PPFIA1: variants seen among roughly 807,000 people sequenced by gnomAD.
PPFIA1 encodes PPFI scaffold protein A1.
Under a neutral mutation model 149.9 loss-of-function variants are expected in PPFIA1, and 25 were observed. The ratio of observed to expected loss-of-function variants is 0.17; its 90% CI spans 0.12 to 0.23. The LOEUF (loss-of-function observed/expected upper bound fraction) is 0.23. Ranked by LOEUF, PPFIA1 falls within the 10% of genes least tolerant of loss-of-function variation. PPFIA1 has a pLI of 1.00. For synonymous variants in PPFIA1, 549 were observed against 552.8 expected, an observed-to-expected ratio of 0.99 and a Z score of 0.10; for missense variants, 1,362 against 1,506.5, an observed-to-expected ratio of 0.90 and a Z score of 1.59.
intron 2 of PPFIA1, chr11:70,279,295 C>G (rs187578848): frequency 4.2e-6 from 1 of 236,250 alleles, no homozygotes; most frequent in East Asian, 1.0e-4. Flanking sequence ...TACTGCCAGC[C>G]ATTTTCAATT....
intron 15 of PPFIA1, among the ~76,000 whole-genome samples, chr11:70,344,528 C>A (rs1296615320): frequency 1.3e-5 from 2 of 152,224 alleles, no homozygotes; most frequent in African/African-American, 4.8e-5. Context: ...CTGAAAGGAG[C>A]GCGTTGCTAT....
intron 2 of PPFIA1, 103 bp from the exon 3 acceptor site, chr11:70,324,299 C>T (rs927894179): frequency 5.3e-6 from 4 of 758,102 alleles, no homozygotes; most frequent in South Asian, 1.9e-5. Context: ...TTCCCCATAA[C>T]TTGTAATGAG....
chr11:70,376,022 CTT>C lies in PPFIA1; in HGVS notation c.3316-509_3316-508del, dbSNP rs574806006. Among the ~76,000 whole-genome samples, 288 of 151,614 alleles carry C rather than the reference CTT, an allele frequency of 1.9e-3. 2 individuals are homozygous for C. The highest frequency in any genetic ancestry group is 6.8e-3 in the African/African-American group (281 of 41,346). On this transcript the variant is annotated intron_variant, in intron 24 of 27. Coordinates refer to ENST00000253925, the MANE Select transcript of PPFIA1 (RefSeq NM_003626.5). ...GTTTGTTTTGAGATGGAGTTTCGCT[CTT>C]GTTGCCCAGGCTGGAGTGCAATGGT...
intron 2 of PPFIA1, among the ~76,000 whole-genome samples, chr11:70,286,413 T>A (rs906195469): frequency 2.0e-5 from 3 of 152,034 alleles, no homozygotes; most frequent in Admixed American, 2.0e-4. Flanking sequence ...CACCGCGCCC[T>A]GCTAATTTTT....
Position 70,376,579 on chromosome 11 carries a change from G to A in PPFIA1, c.3363G>A (p.Gly1121=), listed in dbSNP as rs746409569. The A allele has an allele frequency of 1.2e-6, 2 of 1,613,784 alleles. No individual in the cohort carries two copies. The highest frequency in any genetic ancestry group is 1.1e-5 in the South Asian group (1 of 91,080). The change falls in exon 25 of 28, where the codon GGG becomes GGA. Residue 1121 remains glycine, a synonymous_variant. Transcript: ENST00000253925. ...AATTTAACAACCTTTTGGTCATGGG[G>A]ACTGATAGAAGGTTTGATGAAGTAA... ...EREFNNLLVM[G]TDRRFDEDDD... is the part of the protein sequence containing the mutation.
chr11:70,286,754 C>CA (rs996722246), intron 2 of PPFIA1, among the ~76,000 whole-genome samples: 4 of 124,006 alleles, frequency 3.2e-5, no homozygotes, highest in African/African-American at 1.2e-4. Flanking sequence ...TTCTTTCTTT[C>CA]TTTTTTTTTT....
At position 70,333,132 on chromosome 11, in the gene PPFIA1, C is replaced by T. The variant is rs137956262; in HGVS notation, c.1213-338C>T. The T allele has an allele frequency of 1.5e-3, 726 of 480,140 alleles. 1 individual carries two copies. The highest frequency in any genetic ancestry group is 1.0e-2 in the African/African-American group (510 of 51,210). The allele number at this position is 480,140 out of a possible 1,614,324, so 29.7% of individuals were successfully genotyped here. Reference sequence around the variant, plus strand: ...TGCACTGCTCCTTGCTTGTGCTTGCCGCTGCTTTCTGCTTTCCATGCTTAC... The same window carrying T: ...TGCACTGCTCCTTGCTTGTGCTTGCTGCTGCTTTCTGCTTTCCATGCTTAC... On this transcript the variant is annotated intron_variant, in intron 9 of 27. Coordinates refer to ENST00000253925, the MANE Select transcript of PPFIA1 (RefSeq NM_003626.5).
Position 70,372,517 on chromosome 11 carries a change from A to C in PPFIA1, c.3082A>C (p.Asn1028His), listed in dbSNP as rs749871604. ...TGGAATTATGTGCCTGAGAAGGTTA[A>C]ATTATGACCGGAAAGAACTGGAAAG... is the stretch of plus-strand genomic sequence containing the variant. ...QCGIMCLRRL[N>H]YDRKELERKR... Residue 1028 changes from asparagine to histidine, a missense_variant, in exon 23 of 28, where the codon AAT becomes CAT. Asn to His is a moderately conservative substitution (Grantham distance 68). This residue lies in a region of PPFIA1 where 349 missense variants were observed against 373.3 expected (regional missense o/e 0.93). Coordinates refer to ENST00000253925, the MANE Select transcript of PPFIA1 (RefSeq NM_003626.5). 6.2e-6 allele frequency: 10 copies of C among 1,614,042 alleles called. No individual in the cohort carries two copies. In the South Asian group the frequency reaches 1.1e-4, roughly 18 times the overall value.
chr11:70,358,115 G>A (rs1328604254), intron 19 of PPFIA1: 1 of 152,202 alleles, frequency 6.6e-6, no homozygotes, highest in African/African-American at 2.4e-5. Context: ...CAGCTCCTTA[G>A]TGGGGAAAAT....
chr11:70,365,193 G>A, intron 21 of PPFIA1: 1 of 243,970 alleles, frequency 4.1e-6, no homozygotes, highest in Non-Finnish European at 8.4e-6. Flanking sequence ...TGATGGTGTT[G>A]ACGACCCAGT....
chr11:70,323,526 AG>A (rs2136763354), intron 2 of PPFIA1, among the ~76,000 whole-genome samples: 1 of 152,236 alleles, frequency 6.6e-6, no homozygotes, highest in South Asian at 2.1e-4. Context: ...ACTGGGGGAG[AG>A]GGCACTACAT....
intron 2 of PPFIA1, among the ~76,000 whole-genome samples, chr11:70,295,619 C>T (rs1417985766): frequency 6.9e-6 from 1 of 144,622 alleles, no homozygotes; most frequent in Non-Finnish European, 1.5e-5. Context: ...CTCCTCACTT[C>T]CCAGTAGGGG....
intron 1 of PPFIA1, chr11:70,271,842 T>C (rs1293359727): frequency 1.5e-5 from 1 of 65,492 alleles, no homozygotes; most frequent in Non-Finnish European, 2.7e-5. Context: ...GTAAAAAAAA[T>C]AGGTAACAGA....
chr11:70,275,092 T>G (rs182765325), intron 2 of PPFIA1, among the ~76,000 whole-genome samples: 43 of 152,328 alleles, frequency 2.8e-4, no homozygotes, highest in Non-Finnish European at 4.1e-4. Context: ...TCCTATGCTC[T>G]TCAGCACTTG....
At chr11:70,294,062 G>A (rs932280279) in intron 2 of PPFIA1, among the ~76,000 whole-genome samples, 1 of 150,820 alleles carries the variant, frequency 6.6e-6, no homozygotes, top group African/African-American at 2.4e-5. Context: ...TCAGCCTCTC[G>A]AGTAGCTGGG....
At chr11:70,322,228 C>T (rs886788599) in intron 2 of PPFIA1, among the ~76,000 whole-genome samples, 7 of 152,116 alleles carry the variant, frequency 4.6e-5, no homozygotes, top group African/African-American at 1.7e-4. Flanking sequence ...TGCTTTTTGC[C>T]TGCAAGAGAA....
intron 17 of PPFIA1, among the ~76,000 whole-genome samples, chr11:70,355,208 T>C (rs1332659019): frequency 6.6e-6 from 1 of 152,220 alleles, no homozygotes; most frequent in Non-Finnish European, 1.5e-5. Flanking sequence ...CGGCCCCTCT[T>C]TTTTTAAATT....
chr11:70,303,308 C>G (rs759502057), intron 2 of PPFIA1, among the ~76,000 whole-genome samples: 5 of 152,126 alleles, frequency 3.3e-5, no homozygotes, highest in Non-Finnish European at 7.4e-5. Flanking sequence ...TCTTGGAAAG[C>G]GGTCTCAGAA....
intron 9 of PPFIA1, chr11:70,333,150 A>G: frequency 2.0e-6 from 1 of 496,212 alleles, no homozygotes; most frequent in Non-Finnish European, 4.0e-6. Flanking sequence ...TCTGCTTTCC[A>G]TGCTTACTAA....
Sources: allele counts gnomAD v4.1 joint callset (sites outside exome capture counted in the v4.1 genomes callset), GRCh38; gene constraint gnomAD v4.1.1; regional missense constraint gnomAD v4.1.1; transcripts MANE v1.5; gene names NCBI Gene and HGNC (gene_info 2026-07-23, HGNC 2026-07-21).